The following PRDX5 variants were observed in gnomAD, a reference collection of about 807,000 sequenced individuals.
PRDX5 encodes the protein peroxiredoxin-5, mitochondrial.
PRDX5 carries 21 observed loss-of-function variants against 23.8 expected under a neutral mutation model. The observed-to-expected ratio is 0.88, with a 90% CI of 0.63 to 1.27. PRDX5 has a LOEUF of 1.27. Ranked by LOEUF, PRDX5 falls within the 50% of genes most tolerant of loss-of-function variation. The pLI is 0.00. For missense variants in PRDX5, 261 were observed against 270.6 expected, an observed-to-expected ratio of 0.96 and a Z score of 0.25; for synonymous variants, 111 against 113.3, an observed-to-expected ratio of 0.98 and a Z score of 0.13.
chr11:64,321,156 T>TG, intron 5 of PRDX5, 88 bp downstream of exon 5: 3 of 1,452,052 alleles, frequency 2.1e-6, no homozygotes, highest in East Asian at 2.3e-5. Context: ...GGGTCCTCTG[T>TG]GGGAAGAGTC....
intron 2 of PRDX5, among the ~76,000 whole-genome samples, chr11:64,320,369 C>T (rs565058588): frequency 5.9e-5 from 9 of 152,008 alleles, no homozygotes; most frequent in African/African-American, 2.2e-4. Context: ...ACAATTAAAT[C>T]CAACACCCCT....
At position 64,320,709 on chromosome 11, in the gene PRDX5, G is replaced by A; in HGVS notation, c.355G>A (p.Gly119Arg). The A allele has an allele frequency of 6.2e-7, 1 of 1,613,470 alleles. No homozygotes were observed. The highest frequency in any genetic ancestry group is 8.5e-7 in the Non-Finnish European group (1 of 1,179,472). ...VEQAEALKAK[G>R]VQVVACLSVN... is the part of the protein sequence containing the mutation. ...GCAGGCTGAGGCTCTGAAGGCCAAG[G>A]GAGTCCAGGTGGTGGCCTGTCTGAG... Residue 119 changes from glycine (G) to arginine (R), a missense_variant, in exon 3 of 6, where the codon GGA becomes AGA. Transcript: ENST00000265462.
chr11:64,318,338 C>T lies in PRDX5; in HGVS notation c.123C>T (p.Gly41=), dbSNP rs546358756. The part of the protein sequence containing the change: ...RRYSEGEWAS[G]GVRSFSRAAA... ...ACAGTGAAGGAGAGTGGGCGTCTGG[C>T]GGGGTCCGCAGTTTCAGCAGAGCCG... is the stretch of plus-strand genomic sequence containing the variant. The change falls in exon 1 of 6, where the codon GGC becomes GGT. Residue 41 remains glycine (G), a synonymous_variant. Transcript: ENST00000265462. 19 of 1,611,990 alleles carry T rather than the reference C, an allele frequency of 1.2e-5. No homozygotes were observed. Among genetic ancestry groups the T allele is most frequent in the Middle Eastern group, 1.8e-4 (1 of 5,422 alleles).
intron 1 of PRDX5, 53 bp downstream of exon 1, chr11:64,318,439 C>G (rs2035382576): frequency 6.5e-7 from 1 of 1,549,756 alleles, no homozygotes; most frequent in African/African-American, 1.4e-5. Context: ...CATGGCAATC[C>G]CCGTCCCGCT....
At chr11:64,318,416 C>T (rs368851243) in intron 1 of PRDX5, 30 bp downstream of exon 1, 139 of 1,579,208 alleles carry the variant, frequency 8.8e-5, no homozygotes, top group Non-Finnish European at 1.1e-4. Context: ...GGCCTGACAT[C>T]CCCCACTACC....
At chr11:64,318,999 C>T (rs1394961093) in intron 1 of PRDX5, among the ~76,000 whole-genome samples, 3 of 151,856 alleles carry the variant, frequency 2.0e-5, no homozygotes. Flanking sequence ...CCCCCCATGG[C>T]GAATTCCCAC....
intron 4 of PRDX5, 28 bp downstream of exon 4, chr11:64,320,931 A>G (rs756056255): frequency 6.2e-7 from 1 of 1,613,992 alleles, no homozygotes; most frequent in Non-Finnish European, 8.5e-7. Flanking sequence ...CGCCACAGGG[A>G]CATGGCAGTG....
In PRDX5 at chr11:64,319,851, AC is replaced by A; in HGVS notation, c.293del (p.Pro98LeufsTer18). The A allele has an allele frequency of 6.2e-7, 1 of 1,613,800 alleles. No homozygotes were observed. The highest frequency in any genetic ancestry group is 8.5e-7 in the Non-Finnish European group (1 of 1,179,900). ...GVLFGVPGAF[T>X]PGCSKTHLPG... ...GCTGTTTGGAGTTCCTGGGGCCTTC[AC>A]CCCTGGATGTTCCAAGGTGAGGCCC... On this transcript the variant is annotated frameshift_variant, in exon 2 of 6. Coordinates refer to ENST00000265462, the MANE Select transcript of PRDX5 (RefSeq NM_012094.5). LOFTEE classifies it high-confidence loss of function.
Position 64,318,276 on chromosome 11 carries a change from G to T in PRDX5, c.61G>T (p.Ala21Ser), listed in dbSNP as rs144769220. The T allele has an allele frequency of 6.8e-6, 11 of 1,612,344 alleles. No homozygotes were observed. In the African/African-American group the frequency reaches 1.5e-4, roughly 22 times the overall value. Reference sequence around the variant, plus strand: ...AGCGGGCTATATACTCGTCGGTGGGGCCGGCGGTCAGTCTGCGGCAGCGGC... The same window carrying T: ...AGCGGGCTATATACTCGTCGGTGGGTCCGGCGGTCAGTCTGCGGCAGCGGC... ...RSAGYILVGG[A>S]GGQSAAAAAR... is the part of the protein sequence containing the mutation. Residue 21 changes from alanine (A) to serine (S), a missense_variant, in exon 1 of 6, where the codon GCC becomes TCC. Physicochemically the swap from Ala to Ser is moderately conservative, Grantham distance 99 (BLOSUM62 1). Transcript: ENST00000265462.
rs1185685619 is a variant in PRDX5 at position 64,318,189 on chromosome 11, C to T, written c.-27C>T. The stretch of plus-strand genomic sequence containing the variant: ...TGCTGCGGTGGCACCAGCCAGGAGG[C>T]GGAGTGGAAGTGGCCGTGGGGCGGG... On this transcript the variant is annotated 5_prime_UTR_variant, in exon 1 of 6. Coordinates refer to ENST00000265462, the MANE Select transcript of PRDX5 (RefSeq NM_012094.5). 2 of 1,609,970 alleles carry T rather than the reference C, an allele frequency of 1.2e-6. No homozygotes were observed. The highest frequency in any genetic ancestry group is 1.1e-5 in the South Asian group (1 of 90,880).
In PRDX5 at chr11:64,318,492, C is replaced by T. The variant is rs539950110; in HGVS notation, c.171+106C>T. On this transcript the variant is annotated intron_variant, in intron 1 of 5. Transcript: ENST00000265462. ...TTATTTCCTGCCTGCCAGACCCCTC[C>T]CCTCCGCCCGCCCGGCTCATCCCTT... is the stretch of plus-strand genomic sequence containing the variant. 1.0e-5 allele frequency: 14 copies of T among 1,403,264 alleles called. 1 individual carries two copies. The highest frequency in any genetic ancestry group is 2.1e-4 in the Middle Eastern group (1 of 4,692). 86.9% of individuals were successfully genotyped at this position (1,403,264 alleles called of 1,614,324 possible).
intron 1 of PRDX5, 32 bp downstream of exon 1, chr11:64,318,418 C>G (rs529087378): frequency 6.3e-7 from 1 of 1,579,762 alleles, no homozygotes; most frequent in South Asian, 1.1e-5. Context: ...CCTGACATCC[C>G]CCACTACCCC....
intron 1 of PRDX5, among the ~76,000 whole-genome samples, chr11:64,318,845 C>G (rs1483220215): frequency 3.2e-5 from 4 of 126,388 alleles, no homozygotes; most frequent in East Asian, 2.9e-4. Context: ...GAACCCCCCC[C>G]GCCCCCCCCC....
At chr11:64,319,088 AC>A (rs1157446535) in intron 1 of PRDX5, among the ~76,000 whole-genome samples, 2 of 149,952 alleles carry the variant, frequency 1.3e-5, no homozygotes, top group African/African-American at 4.9e-5. Flanking sequence ...ACCTTGTGAG[AC>A]CCCATTCCCT....
chr11:64,318,914 T>G (rs542864015), intron 1 of PRDX5, among the ~76,000 whole-genome samples: 6 of 132,916 alleles, frequency 4.5e-5, no homozygotes, highest in African/African-American at 1.4e-4. Flanking sequence ...CGGCCTGATT[T>G]CCCCTATCTT....
At chr11:64,319,239 T>G (rs2035420245) in intron 1 of PRDX5, among the ~76,000 whole-genome samples, 1 of 151,996 alleles carries the variant, frequency 6.6e-6, no homozygotes, top group Admixed American at 6.6e-5. Flanking sequence ...TTCCTTCTTT[T>G]GTTCTACACC....
Position 64,321,799 on chromosome 11 carries a change from T to C in PRDX5, c.*108T>C, listed in dbSNP as rs1034200688. On this transcript the variant is annotated 3_prime_UTR_variant, in exon 6 of 6. Transcript: ENST00000265462. ...GCCAGATTTCTGCAATAAACACTTG[T>C]GGTTTGCGGCCATCTCCTTGGTTAT... 8.8e-6 allele frequency: 12 copies of C among 1,366,840 alleles called. No homozygotes were observed. The highest frequency in any genetic ancestry group is 1.2e-5 in the Non-Finnish European group (12 of 1,022,502). The allele number at this position is 1,366,840 out of a possible 1,614,324, so 84.7% of individuals were successfully genotyped here. A position where few individuals can be genotyped will look rare whatever the true frequency, so the allele number is the denominator to read the frequency against.
At position 64,320,807 on chromosome 11, in the gene PRDX5, C is replaced by A. The variant is rs372461293; in HGVS notation, c.438+15C>A. 2 of 1,614,098 alleles carry A rather than the reference C, an allele frequency of 1.2e-6. No homozygotes were observed. The highest frequency in any genetic ancestry group is 2.7e-5 in the African/African-American group (2 of 74,940). On this transcript the variant is annotated intron_variant, in intron 3 of 5. Coordinates refer to ENST00000265462, the MANE Select transcript of PRDX5 (RefSeq NM_012094.5). Reference sequence around the variant, plus strand: ...CGGAAGGCAAGGTGAGGTGAGGGGCCTGCAGGGAGTCAGGACCAGGTAGGA... The same window carrying A: ...CGGAAGGCAAGGTGAGGTGAGGGGCATGCAGGGAGTCAGGACCAGGTAGGA...
In PRDX5 at chr11:64,320,661, A is replaced by T. The variant is rs1241664568; in HGVS notation, c.307A>T (p.Thr103Ser). ...CCGACCCTTTGTTCCCCTTCCTCAG[A>T]CACACCTGCCAGGGTTTGTGGAGCA... ...PGAFTPGCSK[T>S]HLPGFVEQAE... The change falls in exon 3 of 6, where the codon ACA becomes TCA. Residue 103 changes from threonine to serine, a missense_variant and splice_region_variant. Transcript: ENST00000265462. The T allele has an allele frequency of 6.3e-7, 1 of 1,589,160 alleles. No individual in the cohort carries two copies. The highest frequency in any genetic ancestry group is 8.6e-7 in the Non-Finnish European group (1 of 1,165,436).
Sources: allele counts gnomAD v4.1 joint callset (sites outside exome capture counted in the v4.1 genomes callset), GRCh38; gene constraint gnomAD v4.1.1; transcripts MANE v1.5; gene names NCBI Gene and HGNC (gene_info 2026-07-23, HGNC 2026-07-21).